Variants in ATG16L1 observed in about 807,000 individuals in gnomAD.
The protein encoded by ATG16L1 is autophagy related 16 like 1, also known as autophagy-related protein 16-1.
In ATG16L1, 37 loss-of-function variants were observed where a neutral mutation model predicts 88.5. That is an observed-to-expected ratio of 0.42 (90% CI 0.32 to 0.55). The LOEUF (loss-of-function observed/expected upper bound fraction) is 0.55, where lower values mean the gene tolerates loss of function less well. Ranked by LOEUF, ATG16L1 falls within the 20% of genes least tolerant of loss-of-function variation. The pLI, the probability that ATG16L1 is intolerant of heterozygous loss-of-function variation, is 0.13. For missense variants in ATG16L1, 554 were observed against 752.8 expected (o/e 0.74, Z 3.09); for synonymous variants, 301 against 281.0 (o/e 1.07, Z -0.71).
chr2:233,265,701 C>A (rs1238267718), intron 5 of ATG16L1, among the ~76,000 whole-genome samples: 1 of 152,100 alleles, frequency 6.6e-6, no homozygotes, highest in East Asian at 1.9e-4. Flanking sequence ...AACTCCTGAC[C>A]TCAGGATCCA....
chr2:233,272,034 C>T (rs1295609617), intron 6 of ATG16L1, among the ~76,000 whole-genome samples: 1 of 152,206 alleles, frequency 6.6e-6, no homozygotes, highest in Non-Finnish European at 1.5e-5. Flanking sequence ...TATATATTTA[C>T]CTAATCCAGA....
Position 233,283,457 on chromosome 2 carries a change from T to TA in ATG16L1, c.1203+718dup, listed in dbSNP as rs10634694. On this transcript the variant is annotated intron_variant, in intron 12 of 17. Transcript: ENST00000392017. ...AATTTGGCATTAGTAGGCATTTTAC[T>TA]AAAAAAAAAAAAAATTTTTTTTTAA... 9.0e-3 allele frequency among the ~76,000 whole-genome samples: 1,291 copies of TA among 144,210 alleles called. 20 individuals are homozygous for TA. Among genetic ancestry groups the TA allele is most frequent in the African/African-American group, 0.028 (1,090 of 39,528 alleles). The allele number at this position is 144,210 out of a possible 152,430, so 94.6% of individuals were successfully genotyped here. A position where few individuals can be genotyped will look rare whatever the true frequency, so the allele number is the denominator to read the frequency against.
chr2:233,281,957 G>A (rs1013231232), intron 11 of ATG16L1, among the ~76,000 whole-genome samples: 7 of 152,158 alleles, frequency 4.6e-5, no homozygotes, highest in African/African-American at 7.2e-5. Flanking sequence ...GTGTCTGGGC[G>A]TTAATCATCT....
chr2:233,291,513 T>C (rs1011841518), intron 14 of ATG16L1, among the ~76,000 whole-genome samples: 2 of 152,070 alleles, frequency 1.3e-5, no homozygotes, highest in Non-Finnish European at 2.9e-5. Context: ...TACAACAAAA[T>C]CATCACAGAA....
intron 1 of ATG16L1, among the ~76,000 whole-genome samples, chr2:233,252,556 T>TA (rs1222871430): frequency 2.6e-5 from 4 of 151,844 alleles, no homozygotes; most frequent in African/African-American, 7.3e-5. Flanking sequence ...CTAATTTTTT[T>TA]AAAAAAAAAT....
At position 233,264,083 on chromosome 2, in the gene ATG16L1, C is replaced by T; in HGVS notation, c.389+18C>T. 6.2e-7 allele frequency: 1 copy of T among 1,613,540 alleles called. No homozygotes were observed. Among genetic ancestry groups the T allele is most frequent in the Non-Finnish European group, 8.5e-7 (1 of 1,179,586 alleles). The stretch of plus-strand genomic sequence containing the variant: ...GAAGCAAAGTGAGTAGAGACCCCGC[C>T]TCCTTGGAGCCTGGTCATTGGGTCC... On this transcript the variant is annotated intron_variant, in intron 4 of 17. Transcript: ENST00000392017.
In ATG16L1 at chr2:233,280,229, A is replaced by C. The variant is rs775827608; in HGVS notation, c.1061-876A>C. On this transcript the variant is annotated intron_variant, in intron 10 of 17. Transcript: ENST00000392017. ...CTGAATAAGATAAAAATGTGTTGAA[A>C]TGTTTTCTGTTCTGTGTTCCTCTTT... Among the ~76,000 whole-genome samples the C allele has an allele frequency of 6.2e-4, 94 of 152,200 alleles. 2 individuals carry two copies. Among genetic ancestry groups the C allele is most frequent in the Admixed American group, 1.3e-4 (2 of 15,282 alleles).
At chr2:233,269,784 C>CT (rs1213843371) in intron 5 of ATG16L1, among the ~76,000 whole-genome samples, 2 of 152,264 alleles carry the variant, frequency 1.3e-5, no homozygotes, top group East Asian at 3.9e-4. Flanking sequence ...ATAATGTGGC[C>CT]TATCTCTCTT....
At chr2:233,285,940 G>T (rs567092208) in intron 12 of ATG16L1, among the ~76,000 whole-genome samples, 1 of 152,276 alleles carries the variant, frequency 6.6e-6, no homozygotes, top group East Asian at 1.9e-4. Context: ...AAACAACCTG[G>T]CATTGAAAGG....
Position 233,263,156 on chromosome 2 carries a change from A to T in ATG16L1, c.236A>T (p.Asp79Val). Residue 79 changes from aspartate to valine, a missense_variant, in exon 3 of 18, where the codon GAC (aspartate) becomes GTC (valine). Transcript: ENST00000392017. ...ISPGHDGTWN[D>V]NQLQEMAQLR... Reference sequence around the variant, plus strand: ...CCCGGACATGATGGCACATGGAATGACAATCAGCTACAAGAAATGGCCCAA... The same window carrying T: ...CCCGGACATGATGGCACATGGAATGTCAATCAGCTACAAGAAATGGCCCAA... 6.2e-7 allele frequency: 1 copy of T among 1,614,136 alleles called. No individual in the cohort carries two copies. Among genetic ancestry groups the T allele is most frequent in the Non-Finnish European group, 8.5e-7 (1 of 1,180,020 alleles).
rs781037452 is a variant in ATG16L1 at position 233,264,077 on chromosome 2, C to A, written c.389+12C>A. 1.2e-6 allele frequency: 2 copies of A among 1,613,642 alleles called. No homozygotes were observed. The highest frequency in any genetic ancestry group is 1.7e-6 in the Non-Finnish European group (2 of 1,179,754). ...ATGAATGAAGCAAAGTGAGTAGAGA[C>A]CCCGCCTCCTTGGAGCCTGGTCATT... On this transcript the variant is annotated intron_variant, in intron 4 of 17. Transcript: ENST00000392017.
At chr2:233,282,920 C>T (rs969623440) in intron 12 of ATG16L1, 167 bp downstream of exon 12, 3 of 599,290 alleles carry the variant, frequency 5.0e-6, no homozygotes, top group South Asian at 4.1e-5. Context: ...CCACTTTATA[C>T]TCTTTGTCCA....
chr2:233,295,230 C>T lies in ATG16L1; in HGVS notation c.*880C>T, dbSNP rs10803619. 0.07 allele frequency: 10,761 copies of T among 152,846 alleles called. 432 individuals carry two copies. The highest frequency in any genetic ancestry group is 0.16 in the South Asian group (749 of 4,828). 9.5% of individuals were successfully genotyped at this position (152,846 alleles called of 1,614,324 possible). On this transcript the variant is annotated 3_prime_UTR_variant, in exon 18 of 18. Coordinates refer to ENST00000392017, the MANE Select transcript of ATG16L1 (RefSeq NM_030803.7). ...GTGCGATGCCCTTGGTGCTTTAGTG[C>T]AAGAAGCCTAGGCTCAGAAGCACAG... is the stretch of plus-strand genomic sequence containing the variant.
chr2:233,287,783 C>G (rs1347713378), intron 12 of ATG16L1, among the ~76,000 whole-genome samples: 1 of 152,204 alleles, frequency 6.6e-6, no homozygotes, highest in Non-Finnish European at 1.5e-5. Flanking sequence ...GAGGCTGAGG[C>G]AGGAGAATCA....
rs1344034900 is a variant in ATG16L1, at chr2:233,274,056, C to T, written c.851+279C>T. 1.9e-6 allele frequency: 3 copies of T among 1,548,406 alleles called. No individual in the cohort carries two copies. The East Asian group carries it at 7.3e-5, about 38-fold the overall frequency. ...GATGCTGCCAGGTGAAACTATTATCCTCTCTTAGTCCAGCATGTGAGTGTG... is the reference window on the plus strand; with the variant it reads ...GATGCTGCCAGGTGAAACTATTATCTTCTCTTAGTCCAGCATGTGAGTGTG... On this transcript the variant is annotated intron_variant, in intron 8 of 17. Transcript: ENST00000392017.
intron 12 of ATG16L1, 64 bp from the exon 13 acceptor site, chr2:233,289,790 A>G (rs1009494811): frequency 2.5e-6 from 4 of 1,592,526 alleles, no homozygotes; most frequent in African/African-American, 1.3e-5. Flanking sequence ...TGCTGTGGAT[A>G]CTTTGCCAGC....
intron 1 of ATG16L1, among the ~76,000 whole-genome samples, chr2:233,254,762 A>T (rs767987889): frequency 2.6e-5 from 4 of 152,176 alleles, no homozygotes; most frequent in Non-Finnish European, 5.9e-5. Flanking sequence ...CCAATAGATG[A>T]GAGTGTTTCT....
intron 5 of ATG16L1, among the ~76,000 whole-genome samples, chr2:233,266,328 A>G (rs949251046): frequency 6.6e-6 from 1 of 152,156 alleles, no homozygotes; most frequent in Non-Finnish European, 1.5e-5. Context: ...GCATGGTGGT[A>G]TGTGCTTGTG....
At chr2:233,279,247 A>C (rs1698569347) in intron 10 of ATG16L1, among the ~76,000 whole-genome samples, 1 of 152,250 alleles carries the variant, frequency 6.6e-6, no homozygotes, top group African/African-American at 2.4e-5. Context: ...TGAGTATGCC[A>C]TTGAGATTTA....
Sources: gnomAD v4.1 joint callset for allele counts (sites outside exome capture counted in the v4.1 genomes callset) on GRCh38, gnomAD v4.1.1 for gene constraint, MANE v1.5 for transcripts, NCBI Gene and HGNC (gene_info 2026-07-23, HGNC 2026-07-21) for gene names.